UNC13A: variants seen among roughly 807,000 people sequenced by gnomAD.
The protein encoded by UNC13A is protein unc-13 homolog A.
Under a neutral mutation model 219.7 loss-of-function variants are expected in UNC13A, and 61 were observed. The observed-to-expected ratio is 0.28, with a 90% CI of 0.23 to 0.34. The LOEUF (loss-of-function observed/expected upper bound fraction) is 0.34. Ranked by LOEUF, UNC13A falls within the 10% of genes least tolerant of loss-of-function variation. The probability of loss-of-function intolerance (pLI) is 1.00; values close to 1 mark genes in which losing one functional copy is unlikely to be tolerated. For missense variants in UNC13A, 1,476 were observed against 2,270.3 expected (o/e 0.65, Z 7.11); for synonymous variants, 920 against 884.6 (o/e 1.04, Z -0.71).
intron 8 of UNC13A, among the ~76,000 whole-genome samples, chr19:17,662,729 G>A (rs2079572489): frequency 6.6e-6 from 1 of 152,040 alleles, no homozygotes; most frequent in African/African-American, 2.4e-5. Flanking sequence ...GACCCTCCTG[G>A]CTAACACGGT....
chr19:17,618,389 C>A, intron 40 of UNC13A, 32 bp downstream of exon 40: 4 of 1,555,344 alleles, frequency 2.6e-6, no homozygotes, highest in South Asian at 2.4e-5. Context: ...CTACATCCCC[C>A]ACCTGGGATG....
chr19:17,633,334 T>C, intron 26 of UNC13A, 141 bp from the exon 27 acceptor site: 2 of 692,440 alleles, frequency 2.9e-6, no homozygotes, highest in Non-Finnish European at 5.0e-6. Flanking sequence ...CACTGCTGAC[T>C]GACTCTGCAC....
chr19:17,623,679 A>T (rs10419420), intron 35 of UNC13A, 132 bp from the exon 36 acceptor site: 1 of 493,094 alleles, frequency 2.0e-6, no homozygotes, highest in Admixed American at 4.0e-5. Context: ...CCAGCCCAGA[A>T]GAGGTGGAAG....
intron 17 of UNC13A, 146 bp downstream of exon 17, chr19:17,647,119 G>T: frequency 1.3e-6 from 1 of 746,458 alleles, no homozygotes; most frequent in Non-Finnish European, 2.2e-6. Context: ...CCCCCCATAT[G>T]CGTGCACACA....
intron 26 of UNC13A, among the ~76,000 whole-genome samples, chr19:17,633,637 C>A (rs2076880825): frequency 6.6e-6 from 1 of 152,120 alleles, no homozygotes; most frequent in South Asian, 2.1e-4. Flanking sequence ...ACCCATCTAT[C>A]TATTCATCCA....
chr19:17,640,627 G>A lies in UNC13A; in HGVS notation c.2671C>T (p.Pro891Ser), dbSNP rs1171859841. 3 of 1,592,492 alleles carry A rather than the reference G, an allele frequency of 1.9e-6. No homozygotes were observed. The highest frequency in any genetic ancestry group is 3.5e-5 in the Admixed American group (2 of 56,834). The stretch of plus-strand genomic sequence containing the variant: ...GTGCTCATGACGGCAGGCACCCCTG[G>A]GCACATATACTTGGAGGAGAGGCAG... ...FACLSSKYMC[P>S]GVPAVMSTLL... Residue 891 changes from proline (P) to serine (S), a missense_variant, in exon 22 of 44, where the codon CCA (proline) becomes TCA (serine). By Grantham distance (74) the Pro-to-Ser change is moderately conservative (BLOSUM62 -1). This residue lies in a region of UNC13A where 140 missense variants were observed against 270.9 expected (regional missense o/e 0.52). Coordinates refer to ENST00000519716, the MANE Select transcript of UNC13A (RefSeq NM_001080421.3).
At chr19:17,639,295 G>A in intron 24 of UNC13A, 78 bp from the exon 25 acceptor site, 1 of 1,598,334 alleles carries the variant, frequency 6.3e-7, no homozygotes, top group South Asian at 1.1e-5. Flanking sequence ...GTCATTTTGG[G>A]TTTAAGGAAA....
rs1366780232 is a variant in UNC13A, at chr19:17,604,771, G to A, written c.*1283C>T. 6.6e-6 allele frequency: 1 copy of A among 152,304 alleles called. No individual in the cohort carries two copies. Among genetic ancestry groups the A allele is most frequent in the African/African-American group, 2.4e-5 (1 of 41,468 alleles). 9.4% of individuals were successfully genotyped at this position (152,304 alleles called of 1,614,324 possible). On this transcript the variant is annotated 3_prime_UTR_variant, in exon 44 of 44. Coordinates refer to ENST00000519716, the MANE Select transcript of UNC13A (RefSeq NM_001080421.3). ...GAGAAAGAGCTTCCAGCTGGCAAGA[G>A]GGCCATCTGAGGTATCCTGTGGCTT...
intron 1 of UNC13A, 56 bp downstream of exon 1, chr19:17,688,121 AC>A: frequency 6.7e-7 from 1 of 1,502,876 alleles, no homozygotes. Context: ...ATCCACGCGG[AC>A]CCCGACCCCA....
Position 17,674,624 on chromosome 19 carries a change from G to C in UNC13A, c.152+33C>G. ...CCAGCGAGGTGCTGGGCTATGCCAG[G>C]GAGTGAGGTCATGCCAGACGCTGCA... is the stretch of plus-strand genomic sequence containing the variant. On this transcript the variant is annotated intron_variant, in intron 3 of 43. Transcript: ENST00000519716. This position sits in a 1 kb window ranked among gnomAD's most constrained non-coding sequence, Gnocchi z 5.0. 1 of 1,598,478 alleles carries C rather than the reference G, an allele frequency of 6.3e-7. No homozygotes were observed. The highest frequency in any genetic ancestry group is 8.6e-7 in the Non-Finnish European group (1 of 1,166,926).
intron 2 of UNC13A, among the ~76,000 whole-genome samples, chr19:17,675,024 A>C (rs535686936): frequency 1.3e-5 from 2 of 152,300 alleles, no homozygotes; most frequent in East Asian, 3.9e-4. Flanking sequence ...AACAAAATTG[A>C]CTGTAAGAAA....
At chr19:17,659,876 T>G (rs752628671) in intron 8 of UNC13A, among the ~76,000 whole-genome samples, 4 of 152,142 alleles carry the variant, frequency 2.6e-5, no homozygotes, top group Non-Finnish European at 5.9e-5. Flanking sequence ...CTCAGAGCAA[T>G]GAGTGAAACC....
intron 1 of UNC13A, among the ~76,000 whole-genome samples, chr19:17,677,591 T>C (rs2079924685): frequency 6.6e-6 from 1 of 152,144 alleles, no homozygotes; most frequent in Admixed American, 6.6e-5. Flanking sequence ...GGTCTCAAAC[T>C]CCTGATCTCA....
chr19:17,648,507 C>T lies in UNC13A; in HGVS notation c.1740G>A (p.Gln580=). 1.9e-6 allele frequency: 3 copies of T among 1,613,568 alleles called. No individual in the cohort carries two copies. Among genetic ancestry groups the T allele is most frequent in the Non-Finnish European group, 1.7e-6 (2 of 1,180,014 alleles). The part of the protein sequence containing the change: ...CEGLLWGIAR[Q]GMRCTECGVK... The stretch of plus-strand genomic sequence containing the variant: ...CACCGCACTCGGTGCAGCGCATGCC[C>T]TGCCTCGCGATGCCCCACAGCAGCC... Residue 580 remains glutamine (Q), a synonymous_variant, in exon 16 of 44, where the codon CAG becomes CAA. Coordinates refer to ENST00000519716, the MANE Select transcript of UNC13A (RefSeq NM_001080421.3).
chr19:17,647,410 G>T lies in UNC13A; in HGVS notation c.1899C>A (p.Ile633=). ...AGATCTCGGGCTTGTTGCGCTCCCG[G>T]ATCTTCATGCGGTCCTTGAGCACCA... ...IIMVLKDRMK[I]RERNKPEIFE... is the part of the protein sequence containing the mutation. Residue 633 remains isoleucine (I), a synonymous_variant, in exon 17 of 44, where the codon ATC becomes ATA. Coordinates refer to ENST00000519716, the MANE Select transcript of UNC13A (RefSeq NM_001080421.3). The T allele has an allele frequency of 6.2e-7, 1 of 1,613,748 alleles. No individual in the cohort carries two copies. The highest frequency in any genetic ancestry group is 8.5e-7 in the Non-Finnish European group (1 of 1,179,836).
intron 3 of UNC13A, 50 bp from the exon 4 acceptor site, chr19:17,672,545 G>A (rs1469394488): frequency 6.7e-7 from 1 of 1,500,028 alleles, no homozygotes; most frequent in Non-Finnish European, 9.2e-7. Context: ...GAGGAAACGG[G>A]GGCCCAGGGA....
chr19:17,687,604 A>G (rs1025505646), intron 1 of UNC13A, among the ~76,000 whole-genome samples: 1 of 151,966 alleles, frequency 6.6e-6, no homozygotes, highest in African/African-American at 2.4e-5. Context: ...CCCCCACTCC[A>G]GTCCTCTTTA....
At chr19:17,681,135 T>C (rs2080010334) in intron 1 of UNC13A, among the ~76,000 whole-genome samples, 3 of 140,294 alleles carry the variant, frequency 2.1e-5, no homozygotes, top group Non-Finnish European at 3.0e-5. Context: ...GCTTCAAGGC[T>C]CAAGCCATCC....
intron 1 of UNC13A, among the ~76,000 whole-genome samples, chr19:17,680,874 T>TTTTTTC (rs1555699346): frequency 3.0e-4 from 40 of 133,174 alleles, no homozygotes; most frequent in Middle Eastern, 3.8e-3. Flanking sequence ...TTCTTCTTTT[T>TTTTTTC]TTTTCTTTTC....
Sources: gnomAD v4.1 joint callset for allele counts (sites outside exome capture counted in the v4.1 genomes callset) on GRCh38, gnomAD v4.1.1 for gene constraint, gnomAD v4.1.1 regional missense constraint, Gnocchi (gnomAD v3.1) non-coding constraint, MANE v1.5 for transcripts, NCBI Gene and HGNC (gene_info 2026-07-23, HGNC 2026-07-21) for gene names.